The following GOLM2 variants were observed in gnomAD, a reference collection of about 807,000 sequenced individuals.
GOLM2 encodes the protein protein GOLM2.
Under a neutral mutation model 55.9 loss-of-function variants are expected in GOLM2, and 26 were observed. The observed-to-expected ratio is 0.47, with a 90% confidence interval of 0.34 to 0.65. The LOEUF is 0.65. Among genes scored for constraint, GOLM2 ranks in the 30% least tolerant of loss-of-function variants. The probability of loss-of-function intolerance (pLI) is 0.01; values close to 1 mark genes in which losing one functional copy is unlikely to be tolerated. For missense variants in GOLM2, 486 were observed against 531.8 expected, an observed-to-expected ratio of 0.91 and a Z score of 0.85; for synonymous variants, 165 against 194.6, an observed-to-expected ratio of 0.85 and a Z score of 1.27.
chr15:44,396,207 A>C (rs1253828347), intron 8 of GOLM2, among the ~76,000 whole-genome samples: 1 of 152,028 alleles, frequency 6.6e-6, no homozygotes, highest in African/African-American at 2.4e-5. Context: ...ATGCAAAAAA[A>C]ATTACATGGG....
At chr15:44,330,758 C>T (rs1454198498) in intron 3 of GOLM2, among the ~76,000 whole-genome samples, 1 of 151,952 alleles carries the variant, frequency 6.6e-6, no homozygotes, top group Non-Finnish European at 1.5e-5. Context: ...AAGATTTCCC[C>T]TCCCCTTGTT....
At chr15:44,319,924 T>A (rs552960123) in intron 1 of GOLM2, among the ~76,000 whole-genome samples, 2 of 152,212 alleles carry the variant, frequency 1.3e-5, no homozygotes, top group Non-Finnish European at 2.9e-5. Flanking sequence ...AATTGACGTA[T>A]AATTCATGTA....
chr15:44,290,067 T>C (rs533733830), intron 1 of GOLM2, among the ~76,000 whole-genome samples: 8 of 152,348 alleles, frequency 5.3e-5, no homozygotes, highest in Admixed American at 2.6e-4. Context: ...AGTGTCTTCA[T>C]TGAAAGAAAA....
chr15:44,306,829 C>T (rs932262228), intron 1 of GOLM2, among the ~76,000 whole-genome samples: 1 of 152,148 alleles, frequency 6.6e-6, no homozygotes, highest in Non-Finnish European at 1.5e-5. Flanking sequence ...CAACCCTTGG[C>T]AACCTCTATT....
At chr15:44,393,399 A>G (rs2079504494) in intron 8 of GOLM2, among the ~76,000 whole-genome samples, 1 of 152,160 alleles carries the variant, frequency 6.6e-6, no homozygotes, top group South Asian at 2.1e-4. Flanking sequence ...TCAATGTTGT[A>G]ATTATGTCAA....
At chr15:44,361,748 G>T (rs1281854396) in intron 6 of GOLM2, among the ~76,000 whole-genome samples, 2 of 152,098 alleles carry the variant, frequency 1.3e-5, no homozygotes, top group Non-Finnish European at 2.9e-5. Flanking sequence ...AACCAAAAAA[G>T]AGAATTTTAG....
At chr15:44,357,408 T>C (rs759117150) in intron 6 of GOLM2, among the ~76,000 whole-genome samples, 1 of 152,138 alleles carries the variant, frequency 6.6e-6, no homozygotes, top group Admixed American at 6.6e-5. Context: ...TTTCTCAACT[T>C]GATACAGAAT....
chr15:44,369,067 T>TATA lies in GOLM2; in HGVS notation c.803-10623_803-10622insATA, dbSNP rs1555424961. Among the ~76,000 whole-genome samples, 64 of 22,978 alleles carry TATA rather than the reference T, an allele frequency of 2.8e-3. 2 individuals carry two copies. The highest frequency in any genetic ancestry group is 6.9e-3 in the African/African-American group (45 of 6,534). 15.1% of individuals were successfully genotyped at this position (22,978 alleles called of 152,430 possible). On this transcript the variant is annotated intron_variant, in intron 6 of 9. Coordinates refer to ENST00000299957, the MANE Select transcript of GOLM2 (RefSeq NM_138423.4). ...AGATATATACATATAATAGGATATA[T>TATA]TATATATATATATATATATATATAT... is the stretch of plus-strand genomic sequence containing the variant.
intron 4 of GOLM2, among the ~76,000 whole-genome samples, chr15:44,333,689 TA>T (rs2079037953): frequency 6.6e-6 from 1 of 151,916 alleles, no homozygotes; most frequent in Non-Finnish European, 1.5e-5. Flanking sequence ...GCGTAGTATA[TA>T]AATAATGGGA....
At chr15:44,377,804 T>C (rs1567039330) in intron 6 of GOLM2, among the ~76,000 whole-genome samples, 1 of 151,634 alleles carries the variant, frequency 6.6e-6, no homozygotes, top group East Asian at 1.9e-4. Flanking sequence ...AAAATACAAA[T>C]AAAAAAGATT....
chr15:44,293,389 C>G lies in GOLM2; in HGVS notation c.327+4033C>G, dbSNP rs1450164296. Among the ~76,000 whole-genome samples the G allele has an allele frequency of 3.3e-5, 5 of 152,270 alleles. No homozygotes were observed. In the East Asian group the frequency reaches 9.6e-4, roughly 29 times the overall value. The stretch of plus-strand genomic sequence containing the variant: ...TTATTATGAAAGTCCGTACTTTATT[C>G]AGATTTCTTCAGTTTTCGCCTGCTG... On this transcript the variant is annotated intron_variant, in intron 1 of 9. Coordinates refer to ENST00000299957, the MANE Select transcript of GOLM2 (RefSeq NM_138423.4).
chr15:44,336,543 T>C (rs2079058120), intron 4 of GOLM2, among the ~76,000 whole-genome samples: 2 of 152,242 alleles, frequency 1.3e-5, no homozygotes, highest in African/African-American at 4.8e-5. Flanking sequence ...TTATTGTTGA[T>C]TTTACTTGCC....
At position 44,301,874 on chromosome 15, in the gene GOLM2, G is replaced by A. The variant is rs1411294761; in HGVS notation, c.327+12518G>A. ...TTGCAGTGAGCCAAGATCATGCCAA[G>A]TGCACTCCATCCTGGGCTACAGAGG... On this transcript the variant is annotated intron_variant, in intron 1 of 9. Coordinates refer to ENST00000299957, the MANE Select transcript of GOLM2 (RefSeq NM_138423.4). Among the ~76,000 whole-genome samples, 6 of 150,558 alleles carry A rather than the reference G, an allele frequency of 4.0e-5. No homozygotes were observed. The South Asian group carries it at 1.3e-3, about 32-fold the overall frequency.
At chr15:44,320,498 T>A (rs1657047525) in intron 1 of GOLM2, among the ~76,000 whole-genome samples, 1 of 152,094 alleles carries the variant, frequency 6.6e-6, no homozygotes, top group Non-Finnish European at 1.5e-5. Context: ...TTTTTGTAGG[T>A]CTCACTGTGT....
intron 1 of GOLM2, among the ~76,000 whole-genome samples, chr15:44,317,642 A>G (rs2078920124): frequency 6.6e-6 from 1 of 151,994 alleles, no homozygotes; most frequent in Non-Finnish European, 1.5e-5. Context: ...TATGACCTGG[A>G]TTACCATTTG....
chr15:44,305,021 G>A (rs928003405), intron 1 of GOLM2, among the ~76,000 whole-genome samples: 30 of 150,676 alleles, frequency 2.0e-4, no homozygotes, highest in Non-Finnish European at 3.7e-4. Context: ...TCTTTTTTTT[G>A]AGGCACAGTC....
chr15:44,348,609 A>G (rs2079140877), intron 6 of GOLM2: 1 of 152,380 alleles, frequency 6.6e-6, no homozygotes, highest in Non-Finnish European at 1.5e-5. Flanking sequence ...GGAAGGACAC[A>G]AGCCCAGCTG....
chr15:44,310,454 C>CTATA (rs66828619), intron 1 of GOLM2, among the ~76,000 whole-genome samples: 1 of 142,606 alleles, frequency 7.0e-6, no homozygotes, highest in Non-Finnish European at 1.5e-5. Flanking sequence ...CTCTCTCTCT[C>CTATA]TATATATATA....
chr15:44,379,618 G>GT (rs559031072), intron 6 of GOLM2, 72 bp from the exon 7 acceptor site: 33,530 of 427,060 alleles, frequency 0.079, 373 homozygotes, highest in South Asian at 0.12. Context: ...ATTCACGGTG[G>GT]TTTTTTTTTT....
Sources: gnomAD v4.1 joint callset for allele counts (sites outside exome capture counted in the v4.1 genomes callset) on GRCh38, gnomAD v4.1.1 for gene constraint, MANE v1.5 for transcripts, NCBI Gene and HGNC (gene_info 2026-07-23, HGNC 2026-07-21) for gene names.